The following OTOG variants were observed in gnomAD, a reference collection of about 807,000 sequenced individuals.
OTOG encodes otogelin.
In OTOG, 296 loss-of-function variants were observed where a neutral mutation model predicts 313.8. The observed-to-expected ratio is 0.94, with a 90% CI of 0.86 to 1.04. The LOEUF is 1.04. Among genes scored for constraint, OTOG ranks in the 50% least tolerant of loss-of-function variants. The pLI is 0.00. For synonymous variants in OTOG, 1,533 were observed against 1,554.9 expected (o/e 0.99, Z 0.33); for missense variants, 3,948 against 3,840.1 (o/e 1.03, Z -0.74).
At chr11:17,640,558 C>T (rs1238213339) in intron 49 of OTOG, among the ~76,000 whole-genome samples, 187 bp from the exon 50 acceptor site, 2 of 152,194 alleles carry the variant, frequency 1.3e-5, no homozygotes, top group African/African-American at 2.4e-5. Flanking sequence ...CAGTGCTCCT[C>T]ATTGGGGAGG....
chr11:17,549,738 T>G (rs1435154766), intron 3 of OTOG, among the ~76,000 whole-genome samples: 2 of 152,164 alleles, frequency 1.3e-5, no homozygotes, highest in African/African-American at 4.8e-5. Flanking sequence ...CATCCCGCCT[T>G]TTCCTTGGGG....
chr11:17,560,603 T>A, intron 12 of OTOG, 106 bp from the exon 13 acceptor site: 1 of 797,686 alleles, frequency 1.3e-6, no homozygotes, highest in East Asian at 2.7e-5. Context: ...GGTTCAGAGA[T>A]GAAAGAAGTT....
Position 17,570,268 on chromosome 11 carries a change from G to T in OTOG, c.1833G>T (p.Val611=). 6.4e-7 allele frequency: 1 copy of T among 1,550,886 alleles called. No individual in the cohort carries two copies. The change falls in exon 17 of 56, where the codon GTG becomes GTT. Residue 611 remains valine, a synonymous_variant. Coordinates refer to ENST00000399397, the MANE Select transcript of OTOG (RefSeq NM_001292063.2). ...SSVFLRVRTN[V]GVRVLYDREG... Reference sequence around the variant, plus strand: ...TGTTCCTGCGGGTGAGGACGAACGTGGGCGTGCGGGTGCTCTACGACCGTG... The same window carrying T: ...TGTTCCTGCGGGTGAGGACGAACGTTGGCGTGCGGGTGCTCTACGACCGTG...
At chr11:17,559,307 A>T (rs1852126923) in intron 11 of OTOG, 146 bp downstream of exon 11, 1 of 928,918 alleles carries the variant, frequency 1.1e-6, no homozygotes, top group Non-Finnish European at 1.6e-6. Context: ...AAGACGAAAA[A>T]ACTGAGGCTC....
chr11:17,550,946 G>C (rs181747205), intron 3 of OTOG, among the ~76,000 whole-genome samples: 1 of 152,386 alleles, frequency 6.6e-6, no homozygotes, highest in Non-Finnish European at 1.5e-5. Flanking sequence ...GCAGGGCCAA[G>C]AGCTGGGGTT....
chr11:17,557,604 C>T (rs1341706750), intron 8 of OTOG, among the ~76,000 whole-genome samples: 1 of 152,020 alleles, frequency 6.6e-6, no homozygotes, highest in African/African-American at 2.4e-5. Flanking sequence ...TGGGATTGAC[C>T]CTGCAATGTG....
At chr11:17,642,276 A>G in intron 53 of OTOG, 30 bp downstream of exon 53, 1 of 1,531,186 alleles carries the variant, frequency 6.5e-7, no homozygotes, top group South Asian at 1.2e-5. Flanking sequence ...CTGAGGCTGT[A>G]GGCCAGGGGC....
rs956585807 is a variant in OTOG at position 17,598,032 on chromosome 11, C to T, written c.3682+1025C>T. Among the ~76,000 whole-genome samples, 29 of 152,218 alleles carry T rather than the reference C, an allele frequency of 1.9e-4. 1 individual carries two copies. Among genetic ancestry groups the T allele is most frequent in the African/African-American group, 6.3e-4 (26 of 41,458 alleles). ...TTGTTGTCATTTTTTCATGGACACC[C>T]GGTACTGACATGTCCAGAGCCCTGA... On this transcript the variant is annotated intron_variant, in intron 30 of 55. Transcript: ENST00000399397.
chr11:17,620,754 T>G (rs1853845504), intron 39 of OTOG, among the ~76,000 whole-genome samples: 1 of 152,206 alleles, frequency 6.6e-6, no homozygotes, highest in Admixed American at 6.5e-5. Flanking sequence ...TTTAGGATAC[T>G]TGAAGTGGAC....
In OTOG at chr11:17,610,152, A is replaced by G. The variant is rs1278244195; in HGVS notation, c.4852A>G (p.Lys1618Glu). Residue 1618 changes from lysine (K) to glutamate (E), a missense_variant, in exon 36 of 56, where the codon AAG becomes GAG. By Grantham distance (56) the Lys-to-Glu change is moderately conservative. Coordinates refer to ENST00000399397, the MANE Select transcript of OTOG (RefSeq NM_001292063.2). ...TGCCCCTCGCTTCCCGCTCATGACC[A>G]AGGCTGTGACAGTCCGAGGCCATGG... ...PPAPRFPLMT[K>E]AVTVRGHGSL... 6.4e-7 allele frequency: 1 copy of G among 1,550,506 alleles called. No individual in the cohort carries two copies. Among genetic ancestry groups the G allele is most frequent in the Non-Finnish European group, 8.7e-7 (1 of 1,146,938 alleles).
intron 31 of OTOG, 111 bp from the exon 32 acceptor site, chr11:17,602,078 TGAAGGACACCATCAAGAGTTC>T (rs1457949699): frequency 3.0e-6 from 3 of 1,005,214 alleles, no homozygotes; most frequent in Non-Finnish European, 4.3e-6. Context: ...AGATCTGGGA[TGAAGGACACCATCAAGAGTTC>T]CTCCTTGGTA....
At position 17,595,313 on chromosome 11, in the gene OTOG, A is replaced by G. The variant is rs142673032; in HGVS notation, c.3409-725A>G. ...ATCATATTTCTCTCTTGCTAATCCC[A>G]TTCGGCATACCATGGGGTTCCCCAG... is the stretch of plus-strand genomic sequence containing the variant. On this transcript the variant is annotated intron_variant, in intron 28 of 55. Transcript: ENST00000399397. Among the ~76,000 whole-genome samples the G allele has an allele frequency of 4.2e-3, 633 of 152,358 alleles. 5 individuals are homozygous for G. The highest frequency in any genetic ancestry group is 0.014 in the African/African-American group (563 of 41,592).
At chr11:17,602,492 C>A (rs1483126739) in intron 32 of OTOG, 115 bp downstream of exon 32, 4 of 1,173,110 alleles carry the variant, frequency 3.4e-6, no homozygotes, top group Non-Finnish European at 4.7e-6. Context: ...GGGGCTCCGA[C>A]AAGTGCCCCT....
At chr11:17,604,206 C>A (rs943828458) in intron 32 of OTOG, among the ~76,000 whole-genome samples, 1 of 152,224 alleles carries the variant, frequency 6.6e-6, no homozygotes, top group Admixed American at 6.5e-5. Context: ...GGATGGCAGG[C>A]GAAGTCACTC....
chr11:17,557,320 T>G lies in OTOG; in HGVS notation c.862T>G (p.Ser288Ala). 6.5e-7 allele frequency: 1 copy of G among 1,550,194 alleles called. No homozygotes were observed. The highest frequency in any genetic ancestry group is 8.7e-7 in the Non-Finnish European group (1 of 1,146,904). The change falls in exon 8 of 56, where the codon TCT becomes GCT. Residue 288 changes from serine (S) to alanine (A), a missense_variant. Ser to Ala is a moderately conservative substitution (Grantham distance 99). Transcript: ENST00000399397. ...ADPKDDLVTS[S>A]GKLTDDVVEF... is the part of the protein sequence containing the mutation. Reference sequence around the variant, plus strand: ...CCCCAAGGATGATCTGGTGACCAGCTCTGGTGAGGGTCAGACAGGTGGCCT... The same window carrying G: ...CCCCAAGGATGATCTGGTGACCAGCGCTGGTGAGGGTCAGACAGGTGGCCT...
intron 49 of OTOG, 131 bp from the exon 50 acceptor site, chr11:17,640,614 C>T: frequency 1.0e-6 from 1 of 991,716 alleles, no homozygotes; most frequent in Non-Finnish European, 1.5e-6. Flanking sequence ...CTGAGGGGCC[C>T]CAGGCCTGCC....
chr11:17,569,414 G>T, intron 16 of OTOG, 126 bp downstream of exon 16: 1 of 1,316,606 alleles, frequency 7.6e-7, no homozygotes, highest in Non-Finnish European at 1.0e-6. Context: ...GGGTAGATCA[G>T]GATAGGGGAC....
intron 17 of OTOG, among the ~76,000 whole-genome samples, chr11:17,571,772 TGTGC>T (rs1852409082): frequency 6.6e-6 from 1 of 152,160 alleles, no homozygotes; most frequent in African/African-American, 2.4e-5. Flanking sequence ...TGTGTGTGTG[TGTGC>T]GTGCGCGCAC....
intron 47 of OTOG, among the ~76,000 whole-genome samples, chr11:17,638,143 T>C (rs1341114402): frequency 6.6e-6 from 1 of 152,216 alleles, no homozygotes; most frequent in Non-Finnish European, 1.5e-5. Flanking sequence ...CAGCAGACCT[T>C]ACCCTAATGG....
Sources: gnomAD v4.1 joint callset for allele counts (sites outside exome capture counted in the v4.1 genomes callset) on GRCh38, gnomAD v4.1.1 for gene constraint, MANE v1.5 for transcripts, NCBI Gene and HGNC (gene_info 2026-07-23, HGNC 2026-07-21) for gene names.